Variants in RGS12 observed in about 807,000 individuals in gnomAD.
The protein encoded by RGS12 is regulator of G protein signaling 12.
In RGS12, 66 loss-of-function variants were observed where a neutral mutation model predicts 120.1. The observed-to-expected ratio is 0.55, with a 90% confidence interval of 0.45 to 0.67. The LOEUF (loss-of-function observed/expected upper bound fraction) is 0.67. Ranked by LOEUF, RGS12 falls within the 30% of genes least tolerant of loss-of-function variation. RGS12 has a pLI of 0.00. For missense variants in RGS12, 1,859 were observed against 1,957.7 expected, an observed-to-expected ratio of 0.95 and a Z score of 0.95; for synonymous variants, 827 against 804.7, an observed-to-expected ratio of 1.03 and a Z score of -0.47.
chr4:3,292,666 G>T (rs990797925), upstream of RGS12, among the ~76,000 whole-genome samples: 30 of 152,312 alleles, frequency 2.0e-4, no homozygotes, highest in South Asian at 3.3e-3. Flanking sequence ...AGGGTGTCCC[G>T]GGCCAGCGGA....
chr4:3,414,327 A>AGC, intron 5 of RGS12, 86 bp downstream of exon 5: 1 of 1,409,990 alleles, frequency 7.1e-7, no homozygotes, highest in Non-Finnish European at 9.4e-7. Flanking sequence ...CCCTAGAGAC[A>AGC]GCGGCACCCT....
chr4:3,359,749 A>C (rs1715382966), intron 3 of RGS12, among the ~76,000 whole-genome samples: 2 of 151,186 alleles, frequency 1.3e-5, no homozygotes, highest in African/African-American at 4.9e-5. Flanking sequence ...CAGCCCCCTG[A>C]GTAGCTGGGA....
rs1716159508 is a variant in RGS12 at position 3,365,089 on chromosome 4, C to T, written c.1999-21327C>T. ...ATGAGGTGACGGCGGTTTGCAGGTT[C>T]CCCGGGAGCTGTTGGAGCCAGGAGC... On this transcript the variant is annotated intron_variant, in intron 3 of 17. Transcript: ENST00000336727. This position sits in a 1 kb window ranked among gnomAD's most constrained non-coding sequence, Gnocchi z 4.0. Among the ~76,000 whole-genome samples the T allele has an allele frequency of 6.6e-6, 1 of 151,992 alleles. No homozygotes were observed. Among genetic ancestry groups the T allele is most frequent in the South Asian group, 2.1e-4 (1 of 4,810 alleles).
chr4:3,353,601 G>A (rs1246310335), intron 3 of RGS12, among the ~76,000 whole-genome samples: 1 of 152,200 alleles, frequency 6.6e-6, no homozygotes, highest in Admixed American at 6.5e-5. Flanking sequence ...CTTGGTTTGA[G>A]TTGGGGGAAG....
chr4:3,402,808 A>C (rs1324495986), intron 4 of RGS12, among the ~76,000 whole-genome samples: 2 of 152,230 alleles, frequency 1.3e-5, no homozygotes, highest in Admixed American at 1.3e-4. Flanking sequence ...CAGTTTCACA[A>C]AGGAATTAAC....
chr4:3,344,479 T>C (rs1005242585), intron 3 of RGS12, among the ~76,000 whole-genome samples: 1 of 152,218 alleles, frequency 6.6e-6, no homozygotes, highest in Non-Finnish European at 1.5e-5. Context: ...ATTTTCCTCC[T>C]TTTCTGTTGG....
At position 3,433,641 on chromosome 4, in the gene RGS12, C is replaced by T. The variant is rs1724545444; in HGVS notation, c.4114+2686C>T. On this transcript the variant is annotated intron_variant, in intron 17 of 17. Coordinates refer to ENST00000336727, the MANE Select transcript of RGS12 (RefSeq NM_001394154.1). This position sits in a 1 kb window ranked among gnomAD's most constrained non-coding sequence, Gnocchi z 4.4. The stretch of plus-strand genomic sequence containing the variant: ...CCACCCCATCCTAGCCCCAGCACCA[C>T]GTGCCATGCCACCCTGTTCCAGCCC... Among the ~76,000 whole-genome samples the T allele has an allele frequency of 1.3e-5, 2 of 152,028 alleles. No individual in the cohort carries two copies. Among genetic ancestry groups the T allele is most frequent in the Non-Finnish European group, 2.9e-5 (2 of 68,002 alleles).
intron 2 of RGS12, among the ~76,000 whole-genome samples, chr4:3,335,313 A>G (rs1282287904): frequency 1.3e-5 from 2 of 152,106 alleles, no homozygotes; most frequent in Non-Finnish European, 2.9e-5. Flanking sequence ...GTCTAGTTTT[A>G]TGTTTGAAAT....
intron 4 of RGS12, among the ~76,000 whole-genome samples, chr4:3,397,626 TA>T (rs1381236667): frequency 3.3e-5 from 5 of 152,084 alleles, no homozygotes; most frequent in Admixed American, 1.3e-4. Context: ...GAGGAGCAGA[TA>T]GGGGGGTGAT....
chr4:3,413,378 A>G (rs1409736326), intron 4 of RGS12: 1 of 152,238 alleles, frequency 6.6e-6, no homozygotes, highest in African/African-American at 2.4e-5. Context: ...CATATCCCAC[A>G]TCGGGTCTCC....
intron 2 of RGS12, among the ~76,000 whole-genome samples, chr4:3,320,741 C>A (rs138243155): frequency 2.0e-5 from 3 of 152,250 alleles, no homozygotes; most frequent in Non-Finnish European, 2.9e-5. Context: ...CCATAGCCTC[C>A]CCAGTTAGAG....
chr4:3,307,035 CT>C (rs1724010771), intron 1 of RGS12, among the ~76,000 whole-genome samples: 3 of 152,224 alleles, frequency 2.0e-5, no homozygotes, highest in African/African-American at 7.2e-5. Flanking sequence ...ACATCACTCT[CT>C]TTTCTGAGTT....
chr4:3,384,976 C>T (rs1357293750), intron 3 of RGS12, among the ~76,000 whole-genome samples: 1 of 152,218 alleles, frequency 6.6e-6, no homozygotes, highest in Non-Finnish European at 1.5e-5. Context: ...TGCAGAATTC[C>T]AGTGGGTGTA....
In RGS12 at chr4:3,360,314, A is replaced by G. The variant is rs527831680; in HGVS notation, c.1998+17261A>G. On this transcript the variant is annotated intron_variant, in intron 3 of 17. Coordinates refer to ENST00000336727, the MANE Select transcript of RGS12 (RefSeq NM_001394154.1). ...TTTTGTTGATCCTTTCAAAGAACCA[A>G]CTAGGTTTTGTTAATTTTTTTCTTG... Among the ~76,000 whole-genome samples the G allele has an allele frequency of 1.8e-4, 27 of 152,220 alleles. No homozygotes were observed. In the South Asian group the frequency reaches 5.6e-3, roughly 32 times the overall value.
chr4:3,350,786 C>G lies in RGS12; in HGVS notation c.1998+7733C>G, dbSNP rs73193361. ...TATTTTACATGAGTGCTTGTTTAAGCCAATCCAAATAGAATTTCTTAAGGG... is the reference window on the plus strand; with the variant it reads ...TATTTTACATGAGTGCTTGTTTAAGGCAATCCAAATAGAATTTCTTAAGGG... On this transcript the variant is annotated intron_variant, in intron 3 of 17. Transcript: ENST00000336727. Among the ~76,000 whole-genome samples, 329 of 152,274 alleles carry G rather than the reference C, an allele frequency of 2.2e-3. 2 individuals are homozygous for G. The highest frequency in any genetic ancestry group is 3.0e-3 in the Non-Finnish European group (205 of 68,022).
In RGS12 at chr4:3,340,136, C is replaced by T. The variant is rs187302824; in HGVS notation, c.1882-2801C>T. Among the ~76,000 whole-genome samples, 1,258 of 152,372 alleles carry T rather than the reference C, an allele frequency of 8.3e-3. 10 individuals are homozygous for T. The highest frequency in any genetic ancestry group is 0.01 in the Non-Finnish European group (692 of 68,042). ...CCCCATTGTTGGGCAGTCAGTCCCC[C>T]GTGTTGTGGCCTCCGTGTCGTGTGT... On this transcript the variant is annotated intron_variant, in intron 2 of 17. Coordinates refer to ENST00000336727, the MANE Select transcript of RGS12 (RefSeq NM_001394154.1).
rs557379608 is a variant in RGS12, at chr4:3,427,308, C to T, written c.3332-782C>T. Among the ~76,000 whole-genome samples, 97 of 152,318 alleles carry T rather than the reference C, an allele frequency of 6.4e-4. 5 individuals are homozygous for T. In the South Asian group the frequency reaches 0.013, roughly 21 times the overall value. ...TCCTGTGGTGGAGCTTGGCGCTCAGCGTTTTTGTAGGGCTGTATGTGGGGC... is the reference window on the plus strand; with the variant it reads ...TCCTGTGGTGGAGCTTGGCGCTCAGTGTTTTTGTAGGGCTGTATGTGGGGC... On this transcript the variant is annotated intron_variant, in intron 14 of 17. Coordinates refer to ENST00000336727, the MANE Select transcript of RGS12 (RefSeq NM_001394154.1).
chr4:3,360,551 G>T (rs75741501), intron 3 of RGS12, among the ~76,000 whole-genome samples: 9 of 151,838 alleles, frequency 5.9e-5, no homozygotes, highest in African/African-American at 2.2e-4. Context: ...TGTTCCATAC[G>T]TTTTGGTATG....
At chr4:3,400,965 A>G (rs1720522480) in intron 4 of RGS12, among the ~76,000 whole-genome samples, 3 of 152,022 alleles carry the variant, frequency 2.0e-5, no homozygotes, top group Admixed American at 1.3e-4. Context: ...CCAGCACTAC[A>G]TGGCAAGAAA....
Sources: allele counts gnomAD v4.1 joint callset (sites outside exome capture counted in the v4.1 genomes callset), GRCh38; gene constraint gnomAD v4.1.1; non-coding constraint Gnocchi (gnomAD v3.1); transcripts MANE v1.5; gene names NCBI Gene and HGNC (gene_info 2026-07-23, HGNC 2026-07-21).